HSPG2: variants seen among roughly 807,000 people sequenced by gnomAD.
The protein encoded by HSPG2 is basement membrane-specific heparan sulfate proteoglycan core protein.
HSPG2 carries 278 observed loss-of-function variants against 526.6 expected under a neutral mutation model. The observed-to-expected ratio is 0.53, with a 90% confidence interval of 0.48 to 0.58. The LOEUF (loss-of-function observed/expected upper bound fraction) is 0.58, where lower values mean the gene tolerates loss of function less well. Ranked by LOEUF, HSPG2 falls within the 20% of genes least tolerant of loss-of-function variation. The probability of loss-of-function intolerance (pLI) is 0.00; values close to 1 mark genes in which losing one functional copy is unlikely to be tolerated. For missense variants in HSPG2, 5,354 were observed against 6,099.5 expected (o/e 0.88, Z 4.07); for synonymous variants, 2,465 against 2,555.4 (o/e 0.96, Z 1.07).
At chr1:21,829,327 C>T (rs2097991478) in intron 87 of HSPG2, 56 bp downstream of exon 87, 10 of 1,567,004 alleles carry the variant, frequency 6.4e-6, no homozygotes, top group South Asian at 3.3e-5. Flanking sequence ...CTTGAAGAGC[C>T]GAGGGGGGCA....
rs768740027 is a variant in HSPG2 at position 21,828,964 on chromosome 1, C to A, written c.12108G>T (p.Leu4036=). ...CCTGGCTCTTGCCGGGCGAGGAGCG[C>A]AGCACAGGGCGTCCACCATTCACCC... is the stretch of plus-strand genomic sequence containing the variant. The part of the protein sequence containing the change: ...SLRVNGGRPV[L]RSSPGKSQGL... The change falls in exon 88 of 97, where the codon CTG becomes CTT. Residue 4036 remains leucine (L), a synonymous_variant. Coordinates refer to ENST00000374695, the MANE Select transcript of HSPG2 (RefSeq NM_005529.7). This position sits in a 1 kb window ranked among gnomAD's most constrained non-coding sequence, Gnocchi z 6.0. 2 of 1,577,522 alleles carry A rather than the reference C, an allele frequency of 1.3e-6. No individual in the cohort carries two copies. Among genetic ancestry groups the A allele is most frequent in the South Asian group, 2.3e-5 (2 of 85,936 alleles).
intron 21 of HSPG2, among the ~76,000 whole-genome samples, chr1:21,877,046 C>T (rs551108681): frequency 1.0e-4 from 11 of 108,762 alleles, no homozygotes; most frequent in African/African-American, 2.5e-4. Context: ...GCGATGGGAG[C>T]GAGACTCCAT....
At chr1:21,907,264 G>T (rs979483887) in intron 1 of HSPG2, among the ~76,000 whole-genome samples, 4 of 152,202 alleles carry the variant, frequency 2.6e-5, no homozygotes, top group Non-Finnish European at 5.9e-5. Flanking sequence ...CGGGGCAGGG[G>T]CTCACTCCCA....
Position 21,823,597 on chromosome 1 carries a change from G to A in HSPG2, c.13003+19C>T, listed in dbSNP as rs2152682368. ...AGTGCCGTTCCTGCCCCTGCCCTGA[G>A]AAGGAGCCCCAGACTTACCGATGTA... On this transcript the variant is annotated intron_variant, in intron 96 of 96. Transcript: ENST00000374695. 1.9e-6 allele frequency: 3 copies of A among 1,612,086 alleles called. No individual in the cohort carries two copies. The highest frequency in any genetic ancestry group is 2.5e-6 in the Non-Finnish European group (3 of 1,178,416).
chr1:21,936,968 CTGGAT>C (rs1557847949), intron 1 of HSPG2, among the ~76,000 whole-genome samples, 182 bp downstream of exon 1: 2 of 152,018 alleles, frequency 1.3e-5, no homozygotes, highest in Admixed American at 6.5e-5. Context: ...GGTGGCCCCC[CTGGAT>C]TAGCCCCATG....
At chr1:21,881,664 C>A (rs149622584) in intron 13 of HSPG2, among the ~76,000 whole-genome samples, 162 bp from the exon 14 acceptor site, 1 of 151,892 alleles carries the variant, frequency 6.6e-6, no homozygotes, top group South Asian at 2.1e-4. Flanking sequence ...AGTTTTTTGC[C>A]GGGTGTGGTG....
At chr1:21,868,523 C>A (rs11808500) in intron 33 of HSPG2, among the ~76,000 whole-genome samples, 2,542 of 152,320 alleles carry the variant, frequency 0.017, 74 homozygotes, top group African/African-American at 0.058. Flanking sequence ...GTACACGACG[C>A]AGCACACAGT....
rs568132550 is a variant in HSPG2 at position 21,887,072 on chromosome 1, G to A, written c.1078+143C>T. 3.2e-6 allele frequency: 3 copies of A among 924,948 alleles called. No homozygotes were observed. The highest frequency in any genetic ancestry group is 1.7e-5 in the African/African-American group (1 of 59,426). The allele number at this position is 924,948 out of a possible 1,614,324, so 57.3% of individuals were successfully genotyped here. A position where few individuals can be genotyped will look rare whatever the true frequency, so the allele number is the denominator to read the frequency against. ...CCAGGGCCTTCCGCACTCAGCCAGG[G>A]AGAGCAAACAAACAGGCTTGGGGGA... On this transcript the variant is annotated intron_variant, in intron 9 of 96. Coordinates refer to ENST00000374695, the MANE Select transcript of HSPG2 (RefSeq NM_005529.7). This position sits in a 1 kb window ranked among gnomAD's most constrained non-coding sequence, Gnocchi z 5.0.
At chr1:21,906,155 A>T (rs1047599512) in intron 1 of HSPG2, among the ~76,000 whole-genome samples, 1 of 152,222 alleles carries the variant, frequency 6.6e-6, no homozygotes, top group African/African-American at 2.4e-5. Context: ...AAGGAACTCC[A>T]TACCACCTGG....
chr1:21,850,331 C>T, intron 56 of HSPG2, 32 bp downstream of exon 56: 2 of 1,601,974 alleles, frequency 1.2e-6, no homozygotes, highest in Non-Finnish European at 1.7e-6. Context: ...CACCCTGGGT[C>T]CCCAGCCCTG....
At chr1:21,834,601 G>A (rs369703106) in intron 77 of HSPG2, 78 bp downstream of exon 77, 36 of 1,524,084 alleles carry the variant, frequency 2.4e-5, no homozygotes, top group Middle Eastern at 2.3e-4. Flanking sequence ...AGAGCAGAGC[G>A]GGCAGGCAGA....
intron 1 of HSPG2, among the ~76,000 whole-genome samples, chr1:21,936,700 T>C (rs1158801195): frequency 1.3e-5 from 2 of 152,160 alleles, no homozygotes; most frequent in Non-Finnish European, 2.9e-5. Context: ...CTCCCCAAGG[T>C]GATAGACGGT....
At chr1:21,906,807 C>G (rs577778539) in intron 1 of HSPG2, among the ~76,000 whole-genome samples, 2 of 152,182 alleles carry the variant, frequency 1.3e-5, no homozygotes, top group South Asian at 2.1e-4. Context: ...GCAAGGCTCA[C>G]TAGACTAGGG....
Position 21,879,108 on chromosome 1 carries a change from T to C in HSPG2, c.2357A>G (p.Asn786Ser), listed in dbSNP as rs143736974. Reference protein sequence around the residue: ...VYGHCLNCQHNTEGPQCNKCK... With the variant: ...VYGHCLNCQHSTEGPQCNKCK... ...CTTGTTGCACTGTGGCCCCTCCGTG[T>C]TGTGCTGGCAATTCTAGAAGAAGGA... The change falls in exon 18 of 97, where the codon AAC becomes AGC. Residue 786 changes from asparagine (N) to serine (S), a missense_variant. Coordinates refer to ENST00000374695, the MANE Select transcript of HSPG2 (RefSeq NM_005529.7). The C allele has an allele frequency of 6.9e-3, 11,207 of 1,614,212 alleles. 63 individuals carry two copies. The highest frequency in any genetic ancestry group is 7.6e-3 in the Non-Finnish European group (9,022 of 1,180,042).
At chr1:21,841,403 G>T in intron 70 of HSPG2, 118 bp from the exon 71 acceptor site, 1 of 1,560,526 alleles carries the variant, frequency 6.4e-7, no homozygotes. Context: ...CTGCACTGAG[G>T]TGGAAACTGA....
At chr1:21,841,059 A>G in intron 71 of HSPG2, 42 bp downstream of exon 71, 1 of 1,556,450 alleles carries the variant, frequency 6.4e-7, no homozygotes, top group Non-Finnish European at 8.7e-7. Context: ...AGGCTGGGCC[A>G]TGGACTGGGC....
intron 52 of HSPG2, 35 bp downstream of exon 52, chr1:21,852,664 CT>C: frequency 6.2e-7 from 1 of 1,612,418 alleles, no homozygotes; most frequent in South Asian, 1.1e-5. Context: ...GCCTCTCTGC[CT>C]CCTCCAGCTT....
rs751544452 is a variant in HSPG2 at position 21,874,385 on chromosome 1, G to T, written c.3656+21C>A. On this transcript the variant is annotated intron_variant, in intron 28 of 96. Transcript: ENST00000374695. ...GTAGACATTTCAGGGAAGGGCAGGT[G>T]CAGGCAGGGACTGGACGCACTGGCC... 4 of 1,610,868 alleles carry T rather than the reference G, an allele frequency of 2.5e-6. No homozygotes were observed. The East Asian group carries it at 8.9e-5, about 36-fold the overall frequency.
intron 9 of HSPG2, among the ~76,000 whole-genome samples, chr1:21,886,414 C>T (rs915537747): frequency 2.6e-5 from 4 of 152,106 alleles, no homozygotes; most frequent in African/African-American, 7.2e-5. Context: ...GGAAGGAAGG[C>T]AAGGAGAAGC....
Sources: gnomAD v4.1 joint callset for allele counts (sites outside exome capture counted in the v4.1 genomes callset) on GRCh38, gnomAD v4.1.1 for gene constraint, Gnocchi (gnomAD v3.1) non-coding constraint, MANE v1.5 for transcripts, NCBI Gene and HGNC (gene_info 2026-07-23, HGNC 2026-07-21) for gene names.